The following LPIN1 variants were observed in gnomAD, a reference collection of about 807,000 sequenced individuals.
The protein encoded by LPIN1 is phosphatidate phosphatase LPIN1.
In LPIN1, 71 loss-of-function variants were observed where a neutral mutation model predicts 107.5. The ratio of observed to expected loss-of-function variants is 0.66; its 90% CI spans 0.55 to 0.80. The LOEUF (loss-of-function observed/expected upper bound fraction) is 0.80, where lower values mean the gene tolerates loss of function less well. Ranked by LOEUF, LPIN1 falls within the 30% of genes least tolerant of loss-of-function variation. The probability of loss-of-function intolerance (pLI) is 0.00; values close to 1 mark genes in which losing one functional copy is unlikely to be tolerated. For synonymous variants in LPIN1, 445 were observed against 452.6 expected (o/e 0.98, Z 0.21); for missense variants, 1,043 against 1,160.6 (o/e 0.90, Z 1.47).
At chr2:11,739,689 C>G (rs1348570942) in intron 1 of LPIN1, among the ~76,000 whole-genome samples, 2 of 152,192 alleles carry the variant, frequency 1.3e-5, no homozygotes, top group Admixed American at 6.5e-5. Flanking sequence ...TAGCCACCAA[C>G]AGTACAAAAC....
chr2:11,823,048 A>G (rs1053549771), intron 20 of LPIN1: 9 of 152,228 alleles, frequency 5.9e-5, no homozygotes, highest in Non-Finnish European at 1.3e-4. Context: ...TGAACTTGGT[A>G]TAGCTATTTC....
In LPIN1 at chr2:11,824,854, T is replaced by C; in HGVS notation, c.*63T>C. The C allele has an allele frequency of 6.3e-7, 1 of 1,594,288 alleles. No individual in the cohort carries two copies. The highest frequency in any genetic ancestry group is 1.1e-5 in the South Asian group (1 of 90,486). ...TGGTTGTCACCCATTAAAGGATAGGTCTCCCCGGAGTGCACAGCTCCACCT... is the reference window on the plus strand; with the variant it reads ...TGGTTGTCACCCATTAAAGGATAGGCCTCCCCGGAGTGCACAGCTCCACCT... On this transcript the variant is annotated 3_prime_UTR_variant, in exon 21 of 21. Transcript: ENST00000674199.
rs543811370 is a variant in LPIN1, at chr2:11,697,446, T to G, written c.82-16310T>G. Among the ~76,000 whole-genome samples, 1 of 152,308 alleles carries G rather than the reference T, an allele frequency of 6.6e-6. No homozygotes were observed. Among genetic ancestry groups the G allele is most frequent in the East Asian group, 1.9e-4 (1 of 5,162 alleles). On this transcript the variant is annotated intron_variant, in intron 1 of 21. Transcript: ENST00000449576. This position sits in a 1 kb window ranked among gnomAD's most constrained non-coding sequence, Gnocchi z 4.6. ...TGTGGGGCTGCACCAGGAGCTGTGCTCGGCTCCTGCTTCTCCCTGGTTTGG... is the reference window on the plus strand; with the variant it reads ...TGTGGGGCTGCACCAGGAGCTGTGCGCGGCTCCTGCTTCTCCCTGGTTTGG...
chr2:11,805,816 A>G (rs1678571606), intron 17 of LPIN1, among the ~76,000 whole-genome samples: 1 of 152,218 alleles, frequency 6.6e-6, no homozygotes, highest in Non-Finnish European at 1.5e-5. Context: ...GGAGAACTAA[A>G]GTGATTTATC....
chr2:11,824,375 T>C (rs939607788), intron 20 of LPIN1, among the ~76,000 whole-genome samples: 2 of 151,498 alleles, frequency 1.3e-5, no homozygotes, highest in Non-Finnish European at 2.9e-5. Flanking sequence ...TGTATCTCCT[T>C]TACCTGTCCT....
chr2:11,741,081 G>T, intron 1 of LPIN1: 1 of 291,744 alleles, frequency 3.4e-6, no homozygotes, highest in Non-Finnish European at 6.3e-6. Flanking sequence ...GAGAAGACAG[G>T]CTTGACAAGG....
At position 11,786,333 on chromosome 2, in the gene LPIN1, TAGG is replaced by T. The variant is rs1674572072; in HGVS notation, c.1550-738_1550-736del. On this transcript the variant is annotated intron_variant, in intron 10 of 20. Transcript: ENST00000674199. The surrounding 1 kb of genome is among the most constrained non-coding windows in gnomAD (Gnocchi z 4.1). ...GGGTTTCGGTTCGGTTCAGGGTAAATAGGAGCTCCCAGGGAAGGAGTGGGCGTG... is the reference window on the plus strand; with the variant it reads ...GGGTTTCGGTTCGGTTCAGGGTAAATAGCTCCCAGGGAAGGAGTGGGCGTG... Among the ~76,000 whole-genome samples the T allele has an allele frequency of 6.6e-6, 1 of 152,004 alleles. No individual in the cohort carries two copies. The highest frequency in any genetic ancestry group is 1.5e-5 in the Non-Finnish European group (1 of 67,990).
intron 1 of LPIN1, among the ~76,000 whole-genome samples, chr2:11,699,060 A>G (rs969581105): frequency 6.6e-6 from 1 of 152,236 alleles, no homozygotes; most frequent in Non-Finnish European, 1.5e-5. Flanking sequence ...TTTTGCAAAG[A>G]AACTCAGTTT....
Position 11,765,408 on chromosome 2 carries a change from A to T in LPIN1, c.-9-125A>T. Reference sequence around the variant, plus strand: ...TGGGGGTGGATAGAACACATTCCGGAAATGAGAGGAGCTGAAAGTTGAGTG... The same window carrying T: ...TGGGGGTGGATAGAACACATTCCGGTAATGAGAGGAGCTGAAAGTTGAGTG... On this transcript the variant is annotated intron_variant, in intron 1 of 20. Transcript: ENST00000674199. This position sits in a 1 kb window ranked among gnomAD's most constrained non-coding sequence, Gnocchi z 4.4. 2.2e-6 allele frequency: 2 copies of T among 889,498 alleles called. No individual in the cohort carries two copies. Among genetic ancestry groups the T allele is most frequent in the South Asian group, 3.3e-5 (2 of 60,120 alleles). 55.1% of individuals were successfully genotyped at this position (889,498 alleles called of 1,614,324 possible). A position where few individuals can be genotyped will look rare whatever the true frequency, so the allele number is the denominator to read the frequency against.
upstream of LPIN1, among the ~76,000 whole-genome samples, chr2:11,741,760 G>A (rs145838729): frequency 1.6e-3 from 247 of 150,078 alleles, no homozygotes; most frequent in African/African-American, 5.8e-3. Context: ...GCAGTAAGCC[G>A]AGATCGTGCC....
chr2:11,684,303 A>G (rs2148501948), intron 1 of LPIN1, among the ~76,000 whole-genome samples: 1 of 152,274 alleles, frequency 6.6e-6, no homozygotes, highest in Non-Finnish European at 1.5e-5. Context: ...CCTCCCAGGT[A>G]GCTGGGACTA....
chr2:11,765,232 A>C lies in LPIN1; in HGVS notation c.-9-301A>C, dbSNP rs372690482. Among the ~76,000 whole-genome samples, 2 of 145,940 alleles carry C rather than the reference A, an allele frequency of 1.4e-5. No homozygotes were observed. The highest frequency in any genetic ancestry group is 4.2e-4 in the East Asian group (2 of 4,750). On this transcript the variant is annotated intron_variant, in intron 1 of 20. Transcript: ENST00000674199. The surrounding 1 kb of genome is among the most constrained non-coding windows in gnomAD (Gnocchi z 4.4). Reference sequence around the variant, plus strand: ...GGGCCATGATGGACACTGATGGGCCATGATGGGCCCTGATGGACCCTGATG... The same window carrying C: ...GGGCCATGATGGACACTGATGGGCCCTGATGGGCCCTGATGGACCCTGATG...
intron 1 of LPIN1, among the ~76,000 whole-genome samples, chr2:11,759,133 T>TTTTCTTTCTTTCTTTTCTTTC (rs1669147394): frequency 7.6e-6 from 1 of 131,534 alleles, no homozygotes; most frequent in African/African-American, 2.9e-5. Context: ...GCTTTCTTTC[T>TTTTCTTTCTTTCTTTTCTTTC]TTTCTTTCTT....
chr2:11,729,076 T>C (rs2148543671), intron 1 of LPIN1, among the ~76,000 whole-genome samples: 1 of 152,286 alleles, frequency 6.6e-6, no homozygotes. Context: ...TCTTTGCCTA[T>C]GCCTATGTCC....
upstream of LPIN1, among the ~76,000 whole-genome samples, chr2:11,744,046 T>C (rs923940221): frequency 2.0e-5 from 3 of 152,214 alleles, no homozygotes; most frequent in Admixed American, 1.3e-4. Flanking sequence ...TCAAAGCAGA[T>C]CTGTGTCATG....
At chr2:11,757,678 C>G (rs1668886743) in intron 1 of LPIN1, among the ~76,000 whole-genome samples, 1 of 152,064 alleles carries the variant, frequency 6.6e-6, no homozygotes, top group South Asian at 2.1e-4. Flanking sequence ...CCCTCCCGTG[C>G]CTCCTGGGGG....
intron 1 of LPIN1, among the ~76,000 whole-genome samples, chr2:11,747,810 C>T (rs1433961223): frequency 6.6e-6 from 1 of 152,210 alleles, no homozygotes; most frequent in Non-Finnish European, 1.5e-5. Flanking sequence ...TAGCACTTCA[C>T]GTTTGCCAGC....
chr2:11,715,511 T>C (rs188677993), intron 2 of LPIN1, among the ~76,000 whole-genome samples: 7 of 152,298 alleles, frequency 4.6e-5, no homozygotes, highest in African/African-American at 1.2e-4. Context: ...ATGTGTGACA[T>C]TGAGCAAGTT....
chr2:11,702,913 T>C (rs1299446469), intron 1 of LPIN1, among the ~76,000 whole-genome samples: 1 of 125,548 alleles, frequency 8.0e-6, no homozygotes. Context: ...TAGACTTGAA[T>C]ATCTCGCACC....
Sources: gnomAD v4.1 joint callset for allele counts (sites outside exome capture counted in the v4.1 genomes callset) on GRCh38, gnomAD v4.1.1 for gene constraint, Gnocchi (gnomAD v3.1) non-coding constraint, MANE v1.5 for transcripts, NCBI Gene and HGNC (gene_info 2026-07-23, HGNC 2026-07-21) for gene names.